TENM3: variants seen among roughly 807,000 people sequenced by gnomAD.
The protein encoded by TENM3 is teneurin transmembrane protein 3, also known as teneurin-3.
Under a neutral mutation model 255.1 loss-of-function variants are expected in TENM3, and 63 were observed. The observed-to-expected ratio is 0.25, with a 90% CI of 0.20 to 0.30. The LOEUF is 0.30. Among genes scored for constraint, TENM3 ranks in the 10% least tolerant of loss-of-function variants. The pLI, the probability that TENM3 is intolerant of heterozygous loss-of-function variation, is 1.00. For synonymous variants in TENM3, 1,306 were observed against 1,322.3 expected (o/e 0.99, Z 0.27); for missense variants, 2,929 against 3,461.1 (o/e 0.85, Z 3.86).
At chr4:182,631,549 GA>G (rs1751375760) in intron 5 of TENM3, 1 of 152,160 alleles carries the variant, frequency 6.6e-6, no homozygotes, top group Non-Finnish European at 1.5e-5. Context: ...TTCTCTCAGG[GA>G]AGGCTGTCCT....
At chr4:181,698,440 C>G in the TENM3 span, among the ~76,000 whole-genome samples, 1 of 152,054 alleles carries the variant, frequency 6.6e-6, no homozygotes, top group Admixed American at 6.6e-5. Flanking sequence ...TTCCCACAAA[C>G]CATGCATTTA....
At chr4:182,361,876 G>A (rs528846786) in intron 3 of TENM3, among the ~76,000 whole-genome samples, 1 of 152,274 alleles carries the variant, frequency 6.6e-6, no homozygotes, top group South Asian at 2.1e-4. Flanking sequence ...TGATGATGGT[G>A]ATGTACAGAT....
intron 3 of TENM3, among the ~76,000 whole-genome samples, chr4:182,362,751 C>T (rs1227164790): frequency 2.0e-5 from 3 of 152,168 alleles, no homozygotes; most frequent in Non-Finnish European, 2.9e-5. Context: ...CACTGTCTGG[C>T]ACTCCCTAGT....
At chr4:181,645,409 G>T in the TENM3 span, among the ~76,000 whole-genome samples, 8 of 152,164 alleles carry the variant, frequency 5.3e-5, no homozygotes, top group African/African-American at 1.9e-4. Flanking sequence ...GGAATCTGGG[G>T]CTGGGACTCC....
the TENM3 span, among the ~76,000 whole-genome samples, chr4:181,569,283 T>C: frequency 4.0e-3 from 614 of 152,332 alleles, 5 homozygotes; most frequent in Middle Eastern, 0.01. Flanking sequence ...CACGTCCTTG[T>C]TTAAGCTTCT....
At chr4:182,581,694 G>A (rs1239110305) in intron 3 of TENM3, among the ~76,000 whole-genome samples, 2 of 151,842 alleles carry the variant, frequency 1.3e-5, no homozygotes, top group East Asian at 1.9e-4. Flanking sequence ...CCAAGATTGC[G>A]CCATTACACT....
the TENM3 span, among the ~76,000 whole-genome samples, chr4:181,725,736 C>A: frequency 3.9e-5 from 6 of 152,222 alleles, no homozygotes; most frequent in South Asian, 4.1e-4. Context: ...ACCACCGCAC[C>A]CAGCCTTTCA....
At chr4:181,685,503 T>C in the TENM3 span, among the ~76,000 whole-genome samples, 1 of 152,226 alleles carries the variant, frequency 6.6e-6, no homozygotes, top group African/African-American at 2.4e-5. Context: ...TTCAATACTT[T>C]AGGCAGGTTT....
chr4:182,076,057 A>T, the TENM3 span, among the ~76,000 whole-genome samples: 1 of 151,872 alleles, frequency 6.6e-6, no homozygotes, highest in Admixed American at 6.6e-5. Context: ...GGGAATACAG[A>T]TGTGTGACAC....
At chr4:182,445,549 C>T (rs2151282118) in intron 3 of TENM3, among the ~76,000 whole-genome samples, 1 of 152,140 alleles carries the variant, frequency 6.6e-6, no homozygotes, top group Admixed American at 6.5e-5. Context: ...AGGTCAGAAG[C>T]ATTCTTAATA....
chr4:181,526,312 T>G, the TENM3 span, among the ~76,000 whole-genome samples: 1 of 151,370 alleles, frequency 6.6e-6, no homozygotes, highest in South Asian at 2.1e-4. Flanking sequence ...AATGAAGACC[T>G]CAAAATCTAC....
At chr4:182,720,987 C>T (rs557796963) in intron 13 of TENM3, among the ~76,000 whole-genome samples, 2 of 151,966 alleles carry the variant, frequency 1.3e-5, no homozygotes, top group Non-Finnish European at 2.9e-5. Flanking sequence ...AAGCTAGCCT[C>T]GAACTCCTGA....
chr4:181,992,305 A>G, the TENM3 span, among the ~76,000 whole-genome samples: 1 of 152,206 alleles, frequency 6.6e-6, no homozygotes. Context: ...ACAAATTGAA[A>G]AAGCAATAAT....
the TENM3 span, among the ~76,000 whole-genome samples, chr4:181,802,893 C>A: frequency 1.1e-4 from 17 of 152,098 alleles, no homozygotes; most frequent in Non-Finnish European, 1.8e-4. Flanking sequence ...ACTTTGATTA[C>A]TCCTGATATT....
intron 1 of TENM3, among the ~76,000 whole-genome samples, chr4:182,200,967 G>A (rs1754151054): frequency 6.6e-6 from 1 of 151,828 alleles, no homozygotes; most frequent in South Asian, 2.1e-4. Flanking sequence ...TGGGATAACA[G>A]GCATACACCA....
chr4:182,342,177 C>T (rs1764527391), intron 2 of TENM3, among the ~76,000 whole-genome samples: 1 of 152,154 alleles, frequency 6.6e-6, no homozygotes, highest in African/African-American at 2.4e-5. Context: ...CGCATGAAAA[C>T]TTGTACAGGA....
chr4:182,118,013 C>T, the TENM3 span, among the ~76,000 whole-genome samples: 2 of 152,086 alleles, frequency 1.3e-5, no homozygotes, highest in African/African-American at 4.8e-5. Context: ...CGTGCTAATG[C>T]ATATGATGGT....
chr4:181,979,429 G>A, the TENM3 span, among the ~76,000 whole-genome samples: 1 of 151,496 alleles, frequency 6.6e-6, no homozygotes, highest in Non-Finnish European at 1.5e-5. Context: ...AATTCTTATT[G>A]GCTTTCTAAA....
chr4:182,047,122 A>T, the TENM3 span, among the ~76,000 whole-genome samples: 3 of 152,188 alleles, frequency 2.0e-5, no homozygotes, highest in African/African-American at 7.2e-5. Flanking sequence ...ACCAGAGGTA[A>T]ATATGCCTGA....
Sources: allele counts gnomAD v4.1 joint callset (sites outside exome capture counted in the v4.1 genomes callset), GRCh38; gene constraint gnomAD v4.1.1; transcripts MANE v1.5; gene names NCBI Gene and HGNC (gene_info 2026-07-23, HGNC 2026-07-21).